COMMD1: variants seen among roughly 807,000 people sequenced by gnomAD.
COMMD1 encodes the protein COMM domain-containing protein 1.
In COMMD1, 10 loss-of-function variants were observed where a neutral mutation model predicts 17.2. The ratio of observed to expected loss-of-function variants is 0.58; its 90% CI spans 0.36 to 0.99. The LOEUF (loss-of-function observed/expected upper bound fraction) is 0.99. Ranked by LOEUF, COMMD1 falls within the 50% of genes least tolerant of loss-of-function variation. The probability of loss-of-function intolerance (pLI) is 0.01; values close to 1 mark genes in which losing one functional copy is unlikely to be tolerated. For missense variants in COMMD1, 270 were observed against 231.8 expected, an observed-to-expected ratio of 1.17 and a Z score of -1.07; for synonymous variants, 97 against 91.6, an observed-to-expected ratio of 1.06 and a Z score of -0.34.
chr2:61,965,746 C>A (rs779810917), intron 1 of COMMD1, among the ~76,000 whole-genome samples: 1 of 152,216 alleles, frequency 6.6e-6, no homozygotes, highest in Non-Finnish European at 1.5e-5. Context: ...GGATTTGGAG[C>A]CTTAAAGTCC....
chr2:62,052,178 C>G (rs996855294), intron 2 of COMMD1, among the ~76,000 whole-genome samples: 1 of 152,148 alleles, frequency 6.6e-6, no homozygotes, highest in Admixed American at 6.5e-5. Context: ...TGGCCCAGCA[C>G]GGTGGCTCAT....
At chr2:61,990,903 T>TACACACACACACACACACACAC (rs34009777) in intron 1 of COMMD1, among the ~76,000 whole-genome samples, 8 of 116,160 alleles carry the variant, frequency 6.9e-5, no homozygotes, top group African/African-American at 2.6e-4. Flanking sequence ...TATATATATA[T>TACACACACACACACACACACAC]ACACACACAC....
chr2:62,009,653 G>A (rs905834126), intron 2 of COMMD1, among the ~76,000 whole-genome samples: 1 of 150,656 alleles, frequency 6.6e-6, no homozygotes, highest in Non-Finnish European at 1.5e-5. Context: ...TTAGAAAGTT[G>A]TTATAATTTT....
At chr2:62,116,778 G>T (rs987858109) in intron 2 of COMMD1, among the ~76,000 whole-genome samples, 1 of 151,464 alleles carries the variant, frequency 6.6e-6, no homozygotes, top group Non-Finnish European at 1.5e-5. Context: ...CCTGAAGTCG[G>T]GAGTTCCAGA....
In COMMD1 at chr2:61,939,485, A is replaced by G. The variant is rs537786053; in HGVS notation, c.180+33627A>G. On this transcript the variant is annotated intron_variant, in intron 1 of 2. Coordinates refer to ENST00000311832, the MANE Select transcript of COMMD1 (RefSeq NM_152516.4). Reference sequence around the variant, plus strand: ...CGTCTCAGAAAAAAAAGAAAAAAAAAAAAGAATTGATTGGCTATGTAGGCT... The same window carrying G: ...CGTCTCAGAAAAAAAAGAAAAAAAAGAAAGAATTGATTGGCTATGTAGGCT... Among the ~76,000 whole-genome samples the G allele has an allele frequency of 6.6e-5, 10 of 152,000 alleles. No homozygotes were observed. In the South Asian group the frequency reaches 1.9e-3, roughly 28 times the overall value.
At chr2:61,968,515 C>A (rs937347525) in intron 1 of COMMD1, among the ~76,000 whole-genome samples, 2 of 147,280 alleles carry the variant, frequency 1.4e-5, no homozygotes, top group African/African-American at 4.9e-5. Flanking sequence ...GTTTGCTTTT[C>A]TTTTTGGACT....
chr2:62,101,379 A>T (rs1480529853), intron 2 of COMMD1, among the ~76,000 whole-genome samples: 1 of 152,150 alleles, frequency 6.6e-6, no homozygotes, highest in African/African-American at 2.4e-5. Context: ...GAAGGCCGAG[A>T]TGGGAGGATC....
At chr2:62,102,247 T>C (rs560384652) in intron 2 of COMMD1, among the ~76,000 whole-genome samples, 59 of 152,332 alleles carry the variant, frequency 3.9e-4, no homozygotes, top group African/African-American at 1.4e-3. Flanking sequence ...TCCTCTTCCA[T>C]GAGACTAGAC....
At position 62,039,044 on chromosome 2, in the gene COMMD1, T is replaced by C. The variant is rs530879085; in HGVS notation, c.462+38062T>C. On this transcript the variant is annotated intron_variant, in intron 2 of 2. Coordinates refer to ENST00000311832, the MANE Select transcript of COMMD1 (RefSeq NM_152516.4). ...AAATGAAGCTTAATTTGGAGAAAAC[T>C]TTAACTTTCTCTGCCATTCCCAAGA... Among the ~76,000 whole-genome samples the C allele has an allele frequency of 1.1e-4, 17 of 152,326 alleles. No individual in the cohort carries two copies. In the South Asian group the frequency reaches 3.5e-3, roughly 32 times the overall value.
chr2:62,103,021 C>T (rs1672228486), intron 2 of COMMD1, among the ~76,000 whole-genome samples: 1 of 151,508 alleles, frequency 6.6e-6, no homozygotes, highest in Non-Finnish European at 1.5e-5. Context: ...CTCTGTTGCC[C>T]AGGCTGGAGT....
intron 2 of COMMD1, among the ~76,000 whole-genome samples, chr2:62,090,055 T>G (rs1671782931): frequency 6.6e-6 from 1 of 152,028 alleles, no homozygotes. Flanking sequence ...GCCAATAGTT[T>G]AAGGGGTGAG....
chr2:62,014,521 AC>A (rs749385507), intron 2 of COMMD1, among the ~76,000 whole-genome samples: 3 of 147,572 alleles, frequency 2.0e-5, no homozygotes, highest in Non-Finnish European at 4.4e-5. Flanking sequence ...AATACACATA[AC>A]AAAATTTTAC....
chr2:62,040,532 C>T (rs1361509435), intron 2 of COMMD1, among the ~76,000 whole-genome samples: 1 of 152,048 alleles, frequency 6.6e-6, no homozygotes, highest in Non-Finnish European at 1.5e-5. Context: ...GACATAATAT[C>T]CCTAAAAATG....
chr2:61,984,991 A>G (rs979658041), intron 1 of COMMD1, among the ~76,000 whole-genome samples: 3 of 128,764 alleles, frequency 2.3e-5, no homozygotes, highest in Admixed American at 7.5e-5. Context: ...TTTGGTTTCT[A>G]TTTGCCTGGA....
intron 2 of COMMD1, among the ~76,000 whole-genome samples, chr2:62,064,687 A>G (rs1400927751): frequency 6.6e-6 from 1 of 152,094 alleles, no homozygotes; most frequent in Non-Finnish European, 1.5e-5. Context: ...AGTAAAATCC[A>G]TTGATTTTCA....
chr2:62,038,451 G>A (rs776214445), intron 2 of COMMD1, among the ~76,000 whole-genome samples: 2 of 151,996 alleles, frequency 1.3e-5, no homozygotes, highest in African/African-American at 2.4e-5. Context: ...TCACAATAAC[G>A]TATGGCTTTC....
chr2:62,005,904 A>C (rs1669099172), intron 2 of COMMD1, among the ~76,000 whole-genome samples: 1 of 151,868 alleles, frequency 6.6e-6, no homozygotes, highest in East Asian at 1.9e-4. Context: ...ACGTATGTTT[A>C]CTGCGGCACT....
rs1669405838 is a variant in COMMD1 at position 62,015,284 on chromosome 2, C to T, written c.462+14302C>T. Among the ~76,000 whole-genome samples the T allele has an allele frequency of 2.0e-5, 3 of 152,090 alleles. No individual in the cohort carries two copies. In the South Asian group the frequency reaches 6.2e-4, roughly 32 times the overall value. On this transcript the variant is annotated intron_variant, in intron 2 of 2. Coordinates refer to ENST00000311832, the MANE Select transcript of COMMD1 (RefSeq NM_152516.4). ...TAAATAGAACCACACAATATTTGTC[C>T]TTTTGTGTCTGGTTTATTTTACACA...
intron 1 of COMMD1, among the ~76,000 whole-genome samples, chr2:61,974,800 G>T (rs1470432096): frequency 6.6e-6 from 1 of 151,926 alleles, no homozygotes; most frequent in African/African-American, 2.4e-5. Flanking sequence ...CCCCCTTGCA[G>T]TTTCCCCTAT....
Sources: allele counts gnomAD v4.1 joint callset (sites outside exome capture counted in the v4.1 genomes callset), GRCh38; gene constraint gnomAD v4.1.1; transcripts MANE v1.5; gene names NCBI Gene and HGNC (gene_info 2026-07-23, HGNC 2026-07-21).